GLIPR1L1: variants seen among roughly 807,000 people sequenced by gnomAD.
The protein encoded by GLIPR1L1 is GLIPR1-like protein 1.
Under a neutral mutation model 29.9 loss-of-function variants are expected in GLIPR1L1, and 26 were observed. The ratio of observed to expected loss-of-function variants is 0.87; its 90% CI spans 0.64 to 1.21. The LOEUF is 1.21. Among genes scored for constraint, GLIPR1L1 ranks in the 50% most tolerant of loss-of-function variants. The pLI is 0.00. For missense variants in GLIPR1L1, 305 were observed against 290.3 expected (o/e 1.05, Z -0.37); for synonymous variants, 77 against 97.5 (o/e 0.79, Z 1.24).
At chr12:75,337,706 A>G (rs1280803688) in intron 1 of GLIPR1L1, among the ~76,000 whole-genome samples, 2 of 152,058 alleles carry the variant, frequency 1.3e-5, no homozygotes, top group Admixed American at 1.3e-4. Flanking sequence ...TATTTATCAC[A>G]TAAAGTCTCA....
chr12:75,354,331 A>G (rs1593763050), intron 3 of GLIPR1L1, among the ~76,000 whole-genome samples: 1 of 152,150 alleles, frequency 6.6e-6, no homozygotes, highest in African/African-American at 2.4e-5. Flanking sequence ...ATTCCTGTAC[A>G]CCAACAACAG....
chr12:75,341,432 T>C (rs1383475246), intron 1 of GLIPR1L1, among the ~76,000 whole-genome samples: 1 of 152,098 alleles, frequency 6.6e-6, no homozygotes, highest in African/African-American at 2.4e-5. Flanking sequence ...TCTATTTATA[T>C]AACATTCTTT....
intron 2 of GLIPR1L1, among the ~76,000 whole-genome samples, chr12:75,344,352 A>C (rs1013811503): frequency 1.3e-5 from 2 of 152,074 alleles, no homozygotes; most frequent in Non-Finnish European, 1.5e-5. Flanking sequence ...AATTTCAAGT[A>C]ATTTTATTGC....
chr12:75,339,251 C>T (rs932647644), intron 1 of GLIPR1L1, among the ~76,000 whole-genome samples: 5 of 152,152 alleles, frequency 3.3e-5, no homozygotes, highest in African/African-American at 4.8e-5. Context: ...TTTCCCGCAA[C>T]ACTGCCAGCA....
In GLIPR1L1 at chr12:75,334,859, G is replaced by C. The variant is rs751854473; in HGVS notation, c.131G>C (p.Trp44Ser). Residue 44 changes from tryptophan (W) to serine (S), a missense_variant, in exon 1 of 6, where the codon TGG (tryptophan) becomes TCG (serine). Physicochemically the swap from Trp to Ser is radical, Grantham distance 177. Transcript: ENST00000378695. The part of the protein sequence containing the change: ...IDNCIEAHNE[W>S]RGKVNPPAAD... ...AACTGCATAGAAGCCCACAACGAAT[G>C]GCGTGGCAAAGTCAACCCTCCCGCG... is the stretch of plus-strand genomic sequence containing the variant. 5.0e-6 allele frequency: 8 copies of C among 1,614,018 alleles called. No individual in the cohort carries two copies. The highest frequency in any genetic ancestry group is 6.8e-6 in the Non-Finnish European group (8 of 1,180,032).
At chr12:75,350,929 G>A (rs982054432) in intron 3 of GLIPR1L1, among the ~76,000 whole-genome samples, 1 of 152,148 alleles carries the variant, frequency 6.6e-6, no homozygotes, top group African/African-American at 2.4e-5. Context: ...CTAACACATT[G>A]CGAAGAAGCT....
At position 75,334,690 on chromosome 12, in the gene GLIPR1L1, G is replaced by A; in HGVS notation, c.-39G>A. ...GGGTTGCCCCAGCCGTTACTGGTCC[G>A]CGCAGTCAGGGCATCCTCCGCATCC... On this transcript the variant is annotated 5_prime_UTR_variant, in exon 1 of 6. Transcript: ENST00000378695. 1 of 1,590,330 alleles carries A rather than the reference G, an allele frequency of 6.3e-7. No homozygotes were observed. The highest frequency in any genetic ancestry group is 8.6e-7 in the Non-Finnish European group (1 of 1,168,076).
Position 75,343,763 on chromosome 12 carries a change from G to C in GLIPR1L1, c.245G>C (p.Cys82Ser). ...CAGTGCAAATTTGAACATAATGACT[G>C]TTTGGATAAATCATATAAATGCTAT... The part of the protein sequence containing the change: ...ANQCKFEHND[C>S]LDKSYKCYAA... The change falls in exon 2 of 6, where the codon TGT becomes TCT. Residue 82 changes from cysteine to serine, a missense_variant. By Grantham distance (112) the Cys-to-Ser change is moderately radical. Coordinates refer to ENST00000378695, the MANE Select transcript of GLIPR1L1 (RefSeq NM_001304964.2). The C allele has an allele frequency of 6.2e-7, 1 of 1,612,880 alleles. No homozygotes were observed. The highest frequency in any genetic ancestry group is 8.5e-7 in the Non-Finnish European group (1 of 1,179,038).
At chr12:75,358,108 TC>T (rs2043275974) in intron 3 of GLIPR1L1, among the ~76,000 whole-genome samples, 1 of 151,072 alleles carries the variant, frequency 6.6e-6, no homozygotes, top group Admixed American at 6.6e-5. Flanking sequence ...ACCATACTGA[TC>T]AAAAAAAGAT....
chr12:75,361,307 G>A (rs947973479), intron 3 of GLIPR1L1, among the ~76,000 whole-genome samples: 17 of 152,324 alleles, frequency 1.1e-4, no homozygotes, highest in Admixed American at 8.5e-4. Context: ...AATAGGTGAA[G>A]GGTGGGTATC....
chr12:75,367,014 G>GT (rs1214213644), intron 4 of GLIPR1L1: 2 of 701,238 alleles, frequency 2.9e-6, no homozygotes, highest in Admixed American at 2.0e-5. Flanking sequence ...AGCTGAGGAG[G>GT]TAAGTCTCTC....
chr12:75,361,481 C>G (rs1307699119), intron 3 of GLIPR1L1, among the ~76,000 whole-genome samples: 1 of 152,202 alleles, frequency 6.6e-6, no homozygotes, highest in Non-Finnish European at 1.5e-5. Flanking sequence ...TCCTGCCACT[C>G]TCAACACCAT....
chr12:75,356,389 A>T lies in GLIPR1L1; in HGVS notation c.522-6713A>T, dbSNP rs114680864. On this transcript the variant is annotated intron_variant, in intron 3 of 5. Coordinates refer to ENST00000378695, the MANE Select transcript of GLIPR1L1 (RefSeq NM_001304964.2). ...ATTCTCTTTCAAAGATAATTATTTA[A>T]TCAAAATAAATGTATTGTGATATTG... Among the ~76,000 whole-genome samples the T allele has an allele frequency of 2.5e-3, 381 of 152,306 alleles. 2 individuals carry two copies. The highest frequency in any genetic ancestry group is 8.9e-3 in the African/African-American group (370 of 41,576).
chr12:75,343,790 C>A lies in GLIPR1L1; in HGVS notation c.272C>A (p.Ala91Glu), dbSNP rs765401135. 6.2e-7 allele frequency: 1 copy of A among 1,612,658 alleles called. No individual in the cohort carries two copies. The highest frequency in any genetic ancestry group is 1.1e-5 in the South Asian group (1 of 91,034). Residue 91 changes from alanine (A) to glutamate (E), a missense_variant, in exon 2 of 6, where the codon GCA (alanine) becomes GAA (glutamate). By Grantham distance (107) the Ala-to-Glu change is moderately radical. Coordinates refer to ENST00000378695, the MANE Select transcript of GLIPR1L1 (RefSeq NM_001304964.2). ...DCLDKSYKCY[A>E]AFEYVGENIW... is the part of the protein sequence containing the mutation. ...TTGGATAAATCATATAAATGCTATG[C>A]AGCTTTTGAATATGTTGGAGAAAAT...
rs140518960 is a variant in GLIPR1L1 at position 75,343,727 on chromosome 12, C to A, written c.209C>A (p.Ala70Glu). The change falls in exon 2 of 6, where the codon GCA becomes GAA. Residue 70 changes from alanine (A) to glutamate (E), a missense_variant. Transcript: ENST00000378695. Reference sequence around the variant, plus strand: ...AAAGGTTTAGCAAAGATGGCTAAAGCATGGGCAAACCAGTGCAAATTTGAA... The same window carrying A: ...AAAGGTTTAGCAAAGATGGCTAAAGAATGGGCAAACCAGTGCAAATTTGAA... Reference protein sequence around the residue: ...WDKGLAKMAKAWANQCKFEHN... With the variant: ...WDKGLAKMAKEWANQCKFEHN... 6.2e-7 allele frequency: 1 copy of A among 1,611,648 alleles called. No homozygotes were observed. Among genetic ancestry groups the A allele is most frequent in the Non-Finnish European group, 8.5e-7 (1 of 1,178,312 alleles).
intron 3 of GLIPR1L1, among the ~76,000 whole-genome samples, chr12:75,358,557 A>G (rs1246158696): frequency 1.3e-5 from 2 of 151,176 alleles, no homozygotes; most frequent in Non-Finnish European, 3.0e-5. Flanking sequence ...CACAAATCCA[A>G]CAAAGAACAC....
chr12:75,366,368 C>T (rs565231187), intron 4 of GLIPR1L1, among the ~76,000 whole-genome samples: 3 of 152,040 alleles, frequency 2.0e-5, no homozygotes, highest in Non-Finnish European at 4.4e-5. Flanking sequence ...AGATTTAAAG[C>T]AGGCAGAAAA....
intron 4 of GLIPR1L1, among the ~76,000 whole-genome samples, chr12:75,365,968 C>T (rs1410704974): frequency 6.6e-6 from 1 of 152,102 alleles, no homozygotes; most frequent in East Asian, 1.9e-4. Context: ...AAAATTTTGA[C>T]ACCTTATAAT....
chr12:75,368,640 G>A (rs1485776579), intron 4 of GLIPR1L1, among the ~76,000 whole-genome samples: 1 of 151,686 alleles, frequency 6.6e-6, no homozygotes, highest in African/African-American at 2.4e-5. Flanking sequence ...ATTGTGCTTG[G>A]CCATATAATT....
Sources: gnomAD v4.1 joint callset for allele counts (sites outside exome capture counted in the v4.1 genomes callset) on GRCh38, gnomAD v4.1.1 for gene constraint, MANE v1.5 for transcripts, NCBI Gene and HGNC (gene_info 2026-07-23, HGNC 2026-07-21) for gene names.